MUC15: variants seen among roughly 807,000 people sequenced by gnomAD.
The protein encoded by MUC15 is mucin 15, cell surface associated, also known as mucin-15.
A neutral mutation model predicts 24.0 loss-of-function variants in MUC15; 23 were observed. The ratio of observed to expected loss-of-function variants is 0.96; its 90% CI spans 0.69 to 1.36. The LOEUF (loss-of-function observed/expected upper bound fraction) is 1.36. MUC15 is among the 40% of genes most tolerant of loss of function. The pLI is 0.00. For missense variants in MUC15, 442 were observed against 428.2 expected, an observed-to-expected ratio of 1.03 and a Z score of -0.29; for synonymous variants, 151 against 156.3, an observed-to-expected ratio of 0.97 and a Z score of 0.25.
intron 3 of MUC15, 136 bp downstream of exon 3, chr11:26,565,029 C>T: frequency 1.2e-6 from 1 of 817,366 alleles, no homozygotes; most frequent in Non-Finnish European, 1.8e-6. Flanking sequence ...AATGATCATC[C>T]CTCAAAAGTG....
chr11:26,565,820 C>T lies in MUC15; in HGVS notation c.120G>A (p.Leu40=). ...GGCTCCCCGATAGAAGTGAATAAAA[C>T]AACGTTGAAATCAACAGAATTTTGG... is the stretch of plus-strand genomic sequence containing the variant. ...ALAKILLIST[L]FYSLLSGSHG... Residue 40 remains leucine, a synonymous_variant, in exon 3 of 5, where the codon TTG becomes TTA. Transcript: ENST00000529533. 1 of 1,612,634 alleles carries T rather than the reference C, an allele frequency of 6.2e-7. No homozygotes were observed. Among genetic ancestry groups the T allele is most frequent in the Non-Finnish European group, 8.5e-7 (1 of 1,179,120 alleles).
At position 26,559,905 on chromosome 11, in the gene MUC15, G is replaced by A. The variant is rs1850219837; in HGVS notation, c.*1160C>T. ...AATCAATTCAAAAATAAAGCCTCTA[G>A]GTTGGTACTTGATTTGTTTGCTCTC... On this transcript the variant is annotated 3_prime_UTR_variant, in exon 5 of 5. Coordinates refer to ENST00000529533, the MANE Select transcript of MUC15 (RefSeq NM_001135091.2). 1.4e-6 allele frequency: 1 copy of A among 713,212 alleles called. No individual in the cohort carries two copies. Among genetic ancestry groups the A allele is most frequent in the African/African-American group, 1.8e-5 (1 of 56,480 alleles). 44.2% of individuals were successfully genotyped at this position (713,212 alleles called of 1,614,324 possible).
chr11:26,568,277 C>T (rs182086097), intron 1 of MUC15, among the ~76,000 whole-genome samples: 83 of 152,092 alleles, frequency 5.5e-4, no homozygotes, highest in Admixed American at 2.3e-3. Context: ...TCCCACTTTA[C>T]AGATGATTAA....
chr11:26,564,732 CATATATATATATATATATAT>C lies in MUC15; in HGVS notation c.775+413_775+432del, dbSNP rs66510170. 2.3e-3 allele frequency among the ~76,000 whole-genome samples: 58 copies of C among 25,400 alleles called. 1 individual carries two copies. The highest frequency in any genetic ancestry group is 0.02 in the East Asian group (8 of 408). The allele number at this position is 25,400 out of a possible 152,430, so 16.7% of individuals were successfully genotyped here. A position where few individuals can be genotyped will look rare whatever the true frequency, so the allele number is the denominator to read the frequency against. On this transcript the variant is annotated intron_variant, in intron 3 of 4. Transcript: ENST00000529533. ...ACACACACACACACACACACACACACATATATATATATATATATATATATATATATATATATATATATATA... is the reference window on the plus strand; with the variant it reads ...ACACACACACACACACACACACACACATATATATATATATATATATATATA...
At position 26,572,047 on chromosome 11, in the gene MUC15, G is replaced by T. The variant is rs748058144; in HGVS notation, c.-52C>A. ...TGACCCAACGCACACTTACCTTCAGGCTTAGGAGGTATTTACAATCAGGAA... is the reference window on the plus strand; with the variant it reads ...TGACCCAACGCACACTTACCTTCAGTCTTAGGAGGTATTTACAATCAGGAA... On this transcript the variant is annotated 5_prime_UTR_variant, in exon 1 of 5. Transcript: ENST00000529533. The T allele has an allele frequency of 4.1e-6, 4 of 981,508 alleles. No homozygotes were observed. Among genetic ancestry groups the T allele is most frequent in the Admixed American group, 6.2e-5 (1 of 16,236 alleles). The allele number at this position is 981,508 out of a possible 1,614,324, so 60.8% of individuals were successfully genotyped here.
intron 3 of MUC15, among the ~76,000 whole-genome samples, chr11:26,564,556 G>A: frequency 6.8e-6 from 1 of 147,420 alleles, no homozygotes; most frequent in African/African-American, 2.5e-5. Flanking sequence ...TGTTTCAAAT[G>A]GAAAAGATTG....
chr11:26,561,732 C>T (rs898154353), intron 4 of MUC15, among the ~76,000 whole-genome samples: 2 of 151,876 alleles, frequency 1.3e-5, no homozygotes, highest in African/African-American at 2.4e-5. Context: ...TTCTTCTGAT[C>T]GATTCAAGTT....
chr11:26,564,779 A>G (rs563237530), intron 3 of MUC15, among the ~76,000 whole-genome samples: 1 of 102,892 alleles, frequency 9.7e-6, no homozygotes, highest in Non-Finnish European at 2.0e-5. Flanking sequence ...ATATATATAT[A>G]TATATAAGTT....
At position 26,563,236 on chromosome 11, in the gene MUC15, C is replaced by A. The variant is rs779786873; in HGVS notation, c.805G>T (p.Ala269Ser). The change falls in exon 4 of 5, where the codon GCC becomes TCC. Residue 269 changes from alanine (A) to serine (S), a missense_variant. Physicochemically the swap from Ala to Ser is moderately conservative, Grantham distance 99. Transcript: ENST00000529533. ...ACACCCAGAATAGCACCTAAAATGG[C>A]CCCGAATACTATTCCTGTATTTCTA... is the stretch of plus-strand genomic sequence containing the variant. Reference protein sequence around the residue: ...ENRNTGIVFGAILGAILGVSL... With the variant: ...ENRNTGIVFGSILGAILGVSL... 3 of 1,607,550 alleles carry A rather than the reference C, an allele frequency of 1.9e-6. No individual in the cohort carries two copies. The highest frequency in any genetic ancestry group is 2.6e-6 in the Non-Finnish European group (3 of 1,176,388).
At chr11:26,563,478 TA>T (rs1850386841) in intron 3 of MUC15, among the ~76,000 whole-genome samples, 1 of 151,402 alleles carries the variant, frequency 6.6e-6, no homozygotes, top group Non-Finnish European at 1.5e-5. Context: ...TATTTGTTGA[TA>T]AAACCACACT....
At chr11:26,564,822 T>A (rs545578093) in intron 3 of MUC15, among the ~76,000 whole-genome samples, 21 of 137,498 alleles carry the variant, frequency 1.5e-4, no homozygotes, top group African/African-American at 5.6e-4. Flanking sequence ...GCATGTGAAA[T>A]TTCAGGTAGT....
At chr11:26,564,720 CACACACACACACATAT>C (rs1850461578) in intron 3 of MUC15, among the ~76,000 whole-genome samples, 60 of 75,506 alleles carry the variant, frequency 7.9e-4, no homozygotes, top group African/African-American at 1.3e-3. Context: ...CACACACACA[CACACACACACACATAT>C]ATATATATAT....
rs1850525792 is a variant in MUC15 at position 26,565,317 on chromosome 11, G to T, written c.623C>A (p.Thr208Asn). The stretch of plus-strand genomic sequence containing the variant: ...TCCACTTGGTTCCACTATCAAGGGG[G>T]TCACAGATGGAGAAGTTGGTTCTGA... ...LSSEPTSPSVTPLIVEPSGWL... is the reference protein window; with the variant it reads ...LSSEPTSPSVNPLIVEPSGWL... Residue 208 changes from threonine (T) to asparagine (N), a missense_variant, in exon 3 of 5, where the codon ACC becomes AAC. Transcript: ENST00000529533. 1.2e-6 allele frequency: 2 copies of T among 1,611,058 alleles called. No individual in the cohort carries two copies. The highest frequency in any genetic ancestry group is 1.7e-4 in the Middle Eastern group (1 of 6,048).
intron 1 of MUC15, among the ~76,000 whole-genome samples, chr11:26,569,211 T>A (rs1472606282): frequency 6.6e-6 from 1 of 152,118 alleles, no homozygotes; most frequent in Non-Finnish European, 1.5e-5. Flanking sequence ...CTTTTGATTG[T>A]AACTTGAAAA....
intron 1 of MUC15, among the ~76,000 whole-genome samples, chr11:26,568,035 A>G (rs1264566302): frequency 6.6e-6 from 1 of 151,816 alleles, no homozygotes; most frequent in African/African-American, 2.4e-5. Context: ...TGCTGGTGAT[A>G]CTCTATTTCT....
In MUC15 at chr11:26,561,090, A is replaced by G. The variant is rs1463113039; in HGVS notation, c.1061T>C (p.Ile354Thr). ...CTATACAGAAGTACGAAGTGGAGGT[A>G]TGTCATCCATAGGAATGCCATCACG... The part of the protein sequence containing the change: ...NARDGIPMDD[I>T]PPLRTSV Residue 354 changes from isoleucine to threonine, a missense_variant, in exon 5 of 5, where the codon ATA (isoleucine) becomes ACA (threonine). Ile to Thr is a moderately conservative substitution (Grantham distance 89). Coordinates refer to ENST00000529533, the MANE Select transcript of MUC15 (RefSeq NM_001135091.2). 1 of 1,611,618 alleles carries G rather than the reference A, an allele frequency of 6.2e-7. No homozygotes were observed. The highest frequency in any genetic ancestry group is 1.1e-5 in the South Asian group (1 of 90,796).
At position 26,559,559 on chromosome 11, in the gene MUC15, G is replaced by T. The variant is rs1850199546; in HGVS notation, c.*1506C>A. The T allele has an allele frequency of 1.7e-6, 1 of 584,536 alleles. No individual in the cohort carries two copies. Among genetic ancestry groups the T allele is most frequent in the East Asian group, 2.9e-5 (1 of 35,026 alleles). The allele number at this position is 584,536 out of a possible 1,614,324, so 36.2% of individuals were successfully genotyped here. ...CCCATGAGAAAAATCATGTGAAATTGTTGCAAGACCCATGAAAGGAATTCA... is the reference window on the plus strand; with the variant it reads ...CCCATGAGAAAAATCATGTGAAATTTTTGCAAGACCCATGAAAGGAATTCA... On this transcript the variant is annotated 3_prime_UTR_variant, in exon 5 of 5. Transcript: ENST00000529533.
At chr11:26,567,393 C>T (rs1468457402) in intron 1 of MUC15, among the ~76,000 whole-genome samples, 3 of 151,770 alleles carry the variant, frequency 2.0e-5, no homozygotes, top group Admixed American at 2.0e-4. Flanking sequence ...TATTGTGTGC[C>T]ATTTCTCAAC....
Position 26,559,828 on chromosome 11 carries a change from T to A in MUC15, c.*1237A>T. The A allele has an allele frequency of 8.6e-7, 1 of 1,160,774 alleles. No homozygotes were observed. The highest frequency in any genetic ancestry group is 1.3e-6 in the Non-Finnish European group (1 of 783,792). 71.9% of individuals were successfully genotyped at this position (1,160,774 alleles called of 1,614,324 possible). A position where few individuals can be genotyped will look rare whatever the true frequency, so the allele number is the denominator to read the frequency against. On this transcript the variant is annotated 3_prime_UTR_variant, in exon 5 of 5. Coordinates refer to ENST00000529533, the MANE Select transcript of MUC15 (RefSeq NM_001135091.2). The stretch of plus-strand genomic sequence containing the variant: ...CTATCCCTTATTTTCTGAAGCTGTT[T>A]CTGTGTTACACACACACACACACAC...
Sources: gnomAD v4.1 joint callset for allele counts (sites outside exome capture counted in the v4.1 genomes callset) on GRCh38, gnomAD v4.1.1 for gene constraint, MANE v1.5 for transcripts, NCBI Gene and HGNC (gene_info 2026-07-23, HGNC 2026-07-21) for gene names.